Variants in FLVCR2 observed in about 807,000 individuals in gnomAD.
FLVCR2 encodes the protein choline/ethanolamine transporter FLVCR2.
A neutral mutation model predicts 48.9 loss-of-function variants in FLVCR2; 38 were observed. The ratio of observed to expected loss-of-function variants is 0.78; its 90% CI spans 0.60 to 1.02. The LOEUF is 1.02. Ranked by LOEUF, FLVCR2 falls within the 50% of genes least tolerant of loss-of-function variation. FLVCR2 has a pLI of 0.00. For missense variants in FLVCR2, 664 were observed against 663.3 expected (o/e 1.00, Z -0.01); for synonymous variants, 255 against 257.0 (o/e 0.99, Z 0.07).
intron 3 of FLVCR2, among the ~76,000 whole-genome samples, chr14:75,626,231 A>G (rs1889898036): frequency 6.6e-6 from 1 of 151,990 alleles, no homozygotes; most frequent in Non-Finnish European, 1.5e-5. Flanking sequence ...GCCTCAGGTG[A>G]TCTGCTCACC....
chr14:75,588,244 C>T (rs1404167636), intron 1 of FLVCR2, among the ~76,000 whole-genome samples: 7 of 152,308 alleles, frequency 4.6e-5, no homozygotes, highest in East Asian at 1.9e-4. Context: ...CAAGGCCAAG[C>T]GACCAGCATC....
chr14:75,634,883 T>A (rs1321568379), intron 4 of FLVCR2, 27 bp from the exon 5 acceptor site: 1 of 1,521,758 alleles, frequency 6.6e-7, no homozygotes, highest in South Asian at 1.1e-5. Flanking sequence ...CATCGCCGGG[T>A]GATCTTTGGG....
chr14:75,596,547 A>AT (rs1278387130), intron 1 of FLVCR2, among the ~76,000 whole-genome samples: 3 of 152,046 alleles, frequency 2.0e-5, no homozygotes, highest in African/African-American at 7.2e-5. Context: ...TCAGATCTGC[A>AT]TTTTTTTCCT....
intron 2 of FLVCR2, 133 bp downstream of exon 2, chr14:75,622,353 T>G (rs1243226453): frequency 1.1e-6 from 1 of 950,292 alleles, no homozygotes; most frequent in Non-Finnish European, 1.7e-6. Flanking sequence ...CTGGGCTTCT[T>G]ATGGTCTTCA....
chr14:75,637,449 A>G (rs1010896764), intron 5 of FLVCR2, among the ~76,000 whole-genome samples: 1 of 152,194 alleles, frequency 6.6e-6, no homozygotes, highest in African/African-American at 2.4e-5. Flanking sequence ...GATTTTGGCC[A>G]GGTGCGGTGG....
chr14:75,630,141 T>C lies in FLVCR2; in HGVS notation c.953-3488T>C, dbSNP rs1365741622. ...GGATAGGACCCCCTGGGGTGCTTGA[T>C]TGAATGTGTGCATAGATTTCTGGAA... is the stretch of plus-strand genomic sequence containing the variant. On this transcript the variant is annotated intron_variant, in intron 3 of 9. Coordinates refer to ENST00000238667, the MANE Select transcript of FLVCR2 (RefSeq NM_017791.3). Among the ~76,000 whole-genome samples the C allele has an allele frequency of 3.3e-5, 5 of 152,354 alleles. No homozygotes were observed. In the East Asian group the frequency reaches 7.7e-4, roughly 23 times the overall value.
At chr14:75,636,255 A>G (rs1455656858) in intron 5 of FLVCR2, among the ~76,000 whole-genome samples, 70 of 152,214 alleles carry the variant, frequency 4.6e-4, no homozygotes, top group Non-Finnish European at 1.0e-4. Context: ...GGCCCTGGTC[A>G]GACCAGGTCT....
chr14:75,642,125 GC>G, intron 9 of FLVCR2: 1 of 589,812 alleles, frequency 1.7e-6, no homozygotes, highest in Non-Finnish European at 3.0e-6. Context: ...CCCACTTCCT[GC>G]CCTCTTTCTG....
intron 2 of FLVCR2, among the ~76,000 whole-genome samples, chr14:75,623,779 G>C (rs930780429): frequency 1.3e-5 from 2 of 152,146 alleles, no homozygotes; most frequent in Non-Finnish European, 2.9e-5. Flanking sequence ...GGCTGGGTGT[G>C]GTGGCTCATT....
At chr14:75,610,121 C>T (rs538621604) in intron 1 of FLVCR2, among the ~76,000 whole-genome samples, 33 of 152,198 alleles carry the variant, frequency 2.2e-4, no homozygotes, top group Non-Finnish European at 2.2e-4. Context: ...TGAAAGACAC[C>T]CACTCATTTT....
chr14:75,618,368 A>G (rs2140034284), intron 1 of FLVCR2, among the ~76,000 whole-genome samples: 1 of 152,324 alleles, frequency 6.6e-6, no homozygotes, highest in South Asian at 2.1e-4. Context: ...TTATGGGACA[A>G]GTTTGGGAAA....
At chr14:75,587,071 A>T (rs529486080) in intron 1 of FLVCR2, among the ~76,000 whole-genome samples, 4 of 152,268 alleles carry the variant, frequency 2.6e-5, no homozygotes, top group African/African-American at 9.6e-5. Context: ...AAAGGAAGCT[A>T]ATATCTATTA....
chr14:75,622,880 A>G (rs1360396319), intron 2 of FLVCR2, among the ~76,000 whole-genome samples: 1 of 152,216 alleles, frequency 6.6e-6, no homozygotes, highest in Non-Finnish European at 1.5e-5. Context: ...AGAAAATACA[A>G]AAAAGCATAG....
intron 5 of FLVCR2, among the ~76,000 whole-genome samples, chr14:75,636,353 C>T (rs940788746): frequency 2.0e-5 from 3 of 152,202 alleles, no homozygotes; most frequent in African/African-American, 7.2e-5. Context: ...TTACTGCTGG[C>T]GGGGCTTGGC....
chr14:75,595,799 G>A (rs890869525), intron 1 of FLVCR2: 6 of 782,944 alleles, frequency 7.7e-6, no homozygotes, highest in Admixed American at 3.6e-5. Flanking sequence ...CACCATTGCA[G>A]CACCTTTACT....
chr14:75,627,646 G>T (rs886902178), intron 3 of FLVCR2, among the ~76,000 whole-genome samples: 3 of 152,208 alleles, frequency 2.0e-5, no homozygotes, highest in African/African-American at 7.2e-5. Context: ...CTATTCATAG[G>T]ACATGTTGCT....
intron 1 of FLVCR2, among the ~76,000 whole-genome samples, chr14:75,587,007 T>C (rs1322190452): frequency 6.6e-6 from 1 of 152,176 alleles, no homozygotes; most frequent in East Asian, 1.9e-4. Context: ...CAGTTCTCCA[T>C]GGGGTTTTTA....
At chr14:75,635,282 G>C (rs112226724) in intron 5 of FLVCR2, among the ~76,000 whole-genome samples, 83 of 152,308 alleles carry the variant, frequency 5.4e-4, no homozygotes, top group African/African-American at 2.0e-3. Flanking sequence ...TCTCTAAGTA[G>C]CTTTGTGAAA....
intron 5 of FLVCR2, among the ~76,000 whole-genome samples, chr14:75,638,035 G>A (rs1890212887): frequency 6.6e-6 from 1 of 152,186 alleles, no homozygotes; most frequent in South Asian, 2.1e-4. Flanking sequence ...CGAAGATAGA[G>A]AAGGTTTCTC....
Sources: gnomAD v4.1 joint callset for allele counts (sites outside exome capture counted in the v4.1 genomes callset) on GRCh38, gnomAD v4.1.1 for gene constraint, MANE v1.5 for transcripts, NCBI Gene and HGNC (gene_info 2026-07-23, HGNC 2026-07-21) for gene names.